Variants in PRKN observed in about 807,000 individuals in gnomAD.
PRKN encodes E3 ubiquitin-protein ligase parkin.
PRKN carries 56 observed loss-of-function variants against 59.5 expected under a neutral mutation model. The ratio of observed to expected loss-of-function variants is 0.94; its 90% CI spans 0.76 to 1.18. The LOEUF (loss-of-function observed/expected upper bound fraction) is 1.18. Among genes scored for constraint, PRKN ranks in the 50% most tolerant of loss-of-function variants. The pLI is 0.00. For synonymous variants in PRKN, 250 were observed against 222.1 expected (o/e 1.13, Z -1.12); for missense variants, 657 against 596.4 (o/e 1.10, Z -1.06).
At chr6:162,261,131 A>C (rs1393433701) in intron 3 of PRKN, among the ~76,000 whole-genome samples, 1 of 152,126 alleles carries the variant, frequency 6.6e-6, no homozygotes, top group Admixed American at 6.5e-5. Context: ...TTTGTTAGGC[A>C]GATTATTCAG....
intron 5 of PRKN, among the ~76,000 whole-genome samples, chr6:161,991,890 A>G (rs1404170250): frequency 6.6e-6 from 1 of 152,156 alleles, no homozygotes; most frequent in African/African-American, 2.4e-5. Context: ...GCCCAACTAT[A>G]TGATGCCTAC....
At chr6:161,750,755 G>C (rs1022931344) in intron 7 of PRKN, among the ~76,000 whole-genome samples, 2 of 146,832 alleles carry the variant, frequency 1.4e-5, no homozygotes, top group Non-Finnish European at 3.0e-5. Context: ...CAACAAGTGT[G>C]AAACTCTTGT....
At chr6:161,415,506 G>C (rs907307177) in intron 9 of PRKN, among the ~76,000 whole-genome samples, 3 of 148,816 alleles carry the variant, frequency 2.0e-5, no homozygotes, top group Non-Finnish European at 3.0e-5. Flanking sequence ...CAGAGTGATT[G>C]TTCCAGCCAC....
chr6:161,871,026 G>A (rs997766519), intron 6 of PRKN, among the ~76,000 whole-genome samples: 5 of 151,876 alleles, frequency 3.3e-5, no homozygotes, highest in Non-Finnish European at 7.4e-5. Flanking sequence ...CAGAGAAGGG[G>A]AGAGGAGAGA....
At chr6:161,751,920 G>T (rs1474783457) in intron 7 of PRKN, among the ~76,000 whole-genome samples, 1 of 152,190 alleles carries the variant, frequency 6.6e-6, no homozygotes, top group South Asian at 2.1e-4. Flanking sequence ...AGAAGAGCAG[G>T]TGCAAAGGCC....
At chr6:161,704,518 G>C (rs369348081) in intron 7 of PRKN, among the ~76,000 whole-genome samples, 60 of 152,124 alleles carry the variant, frequency 3.9e-4, no homozygotes, top group African/African-American at 1.4e-3. Flanking sequence ...TCTGGGATTC[G>C]TTTCGTGCCC....
rs552665077 is a variant in PRKN at position 162,552,281 on chromosome 6, TA to T, written c.8-108809del. ...GTGACTTAAAGTGCTAAGTGCAATG[TA>T]GGGGGAAAAAACGGGGTTTTAGCAG... On this transcript the variant is annotated intron_variant, in intron 1 of 11. Transcript: ENST00000366898. Among the ~76,000 whole-genome samples, 3 of 152,132 alleles carry T rather than the reference TA, an allele frequency of 2.0e-5. No homozygotes were observed. In the South Asian group the frequency reaches 6.2e-4, roughly 32 times the overall value.
intron 9 of PRKN, among the ~76,000 whole-genome samples, chr6:161,404,209 A>G (rs1329866944): frequency 6.6e-6 from 1 of 152,118 alleles, no homozygotes; most frequent in Non-Finnish European, 1.5e-5. Flanking sequence ...TCAAGTTCCC[A>G]GCTCTCTCAC....
intron 7 of PRKN, among the ~76,000 whole-genome samples, chr6:161,781,912 C>T (rs938974940): frequency 1.1e-4 from 17 of 152,178 alleles, no homozygotes; most frequent in Admixed American, 4.6e-4. Context: ...AAAAGCCTTG[C>T]GGCTCCCCTG....
intron 3 of PRKN, among the ~76,000 whole-genome samples, chr6:162,250,820 T>C (rs1300524671): frequency 1.3e-5 from 2 of 152,208 alleles, no homozygotes; most frequent in Non-Finnish European, 2.9e-5. Flanking sequence ...AGATAAACCC[T>C]TATTTTATTT....
rs141813965 is a variant in PRKN at position 161,453,236 on chromosome 6, C to A, written c.1084-66359G>T. On this transcript the variant is annotated intron_variant, in intron 9 of 11. Coordinates refer to ENST00000366898, the MANE Select transcript of PRKN (RefSeq NM_004562.3). ...GCAGTTAGGAGGGCGGGGAGTCAGA[C>A]TGCCTGGGCTTAACGTCGTGGCTCT... is the stretch of plus-strand genomic sequence containing the variant. Among the ~76,000 whole-genome samples the A allele has an allele frequency of 2.6e-5, 4 of 152,286 alleles. No individual in the cohort carries two copies. In the East Asian group the frequency reaches 7.7e-4, roughly 29 times the overall value.
At chr6:161,557,121 A>C (rs945737706) in intron 8 of PRKN, among the ~76,000 whole-genome samples, 3 of 152,190 alleles carry the variant, frequency 2.0e-5, no homozygotes, top group Admixed American at 2.0e-4. Flanking sequence ...CCTGTATTTT[A>C]TCAGATTATA....
At chr6:161,784,878 T>G (rs1173389556) in intron 7 of PRKN, among the ~76,000 whole-genome samples, 2 of 152,154 alleles carry the variant, frequency 1.3e-5, no homozygotes, top group Non-Finnish European at 2.9e-5. Flanking sequence ...AGCAGATGAA[T>G]GGACACACAA....
intron 1 of PRKN, among the ~76,000 whole-genome samples, chr6:162,570,919 A>G (rs771146258): frequency 8.3e-4 from 127 of 152,326 alleles, no homozygotes; most frequent in Admixed American, 9.2e-4. Flanking sequence ...GTGTATTTTA[A>G]AATAACTTAA....
chr6:161,658,162 A>C (rs939949539), intron 7 of PRKN, among the ~76,000 whole-genome samples: 9 of 152,152 alleles, frequency 5.9e-5, no homozygotes, highest in African/African-American at 2.2e-4. Flanking sequence ...CTCCACCAAC[A>C]AAAAGCAACA....
intron 7 of PRKN, among the ~76,000 whole-genome samples, chr6:161,711,370 A>G (rs1235562789): frequency 6.6e-6 from 1 of 152,214 alleles, no homozygotes; most frequent in East Asian, 1.9e-4. Flanking sequence ...GAATTAATAC[A>G]TATAGAAAGG....
intron 10 of PRKN, among the ~76,000 whole-genome samples, chr6:161,367,568 A>C (rs1785260202): frequency 6.6e-6 from 1 of 151,964 alleles, no homozygotes. Context: ...TTAGAAGTCA[A>C]AGTTCAGCAT....
intron 9 of PRKN, among the ~76,000 whole-genome samples, chr6:161,455,701 T>C: frequency 6.6e-6 from 1 of 151,486 alleles, no homozygotes; most frequent in Non-Finnish European, 1.5e-5. Context: ...CCATCTCTAC[T>C]AAATACAAAA....
At chr6:162,668,615 C>T (rs566529599) in intron 1 of PRKN, among the ~76,000 whole-genome samples, 5 of 152,022 alleles carry the variant, frequency 3.3e-5, no homozygotes, top group Admixed American at 2.0e-4. Flanking sequence ...GAACCATCCA[C>T]GGTCAGACCA....
Sources: allele counts gnomAD v4.1 joint callset (sites outside exome capture counted in the v4.1 genomes callset), GRCh38; gene constraint gnomAD v4.1.1; transcripts MANE v1.5; gene names NCBI Gene and HGNC (gene_info 2026-07-23, HGNC 2026-07-21).